The following AFF3 variants were observed in gnomAD, a reference collection of about 807,000 sequenced individuals.
AFF3 encodes AF4/FMR2 family member 3.
AFF3 carries 32 observed loss-of-function variants against 129.7 expected under a neutral mutation model. That is an observed-to-expected ratio of 0.25 (90% CI 0.19 to 0.33). The LOEUF is 0.33. AFF3 is among the 10% of genes least tolerant of loss of function. The probability of loss-of-function intolerance (pLI) is 1.00; values close to 1 mark genes in which losing one functional copy is unlikely to be tolerated. For synonymous variants in AFF3, 644 were observed against 635.4 expected (o/e 1.01, Z -0.20); for missense variants, 1,373 against 1,592.0 (o/e 0.86, Z 2.34).
chr2:100,118,129 C>A (rs548196187), intron 2 of AFF3, among the ~76,000 whole-genome samples: 8 of 152,304 alleles, frequency 5.3e-5, no homozygotes, highest in South Asian at 4.1e-4. Context: ...TGCTGTAATT[C>A]TTTACTCAGT....
intron 10 of AFF3, among the ~76,000 whole-genome samples, chr2:99,736,035 TG>T (rs990607894): frequency 1.3e-5 from 2 of 152,206 alleles, no homozygotes; most frequent in Non-Finnish European, 2.9e-5. Context: ...TAAAATCTGT[TG>T]AAACTTGCTT....
chr2:99,714,138 A>T (rs148655101), intron 11 of AFF3, among the ~76,000 whole-genome samples: 1 of 152,154 alleles, frequency 6.6e-6, no homozygotes, highest in African/African-American at 2.4e-5. Context: ...CCTGTGTTTT[A>T]GTGTTTTATT....
At chr2:99,716,231 G>A (rs1678369569) in intron 11 of AFF3, among the ~76,000 whole-genome samples, 1 of 152,140 alleles carries the variant, frequency 6.6e-6, no homozygotes, top group Admixed American at 6.5e-5. Context: ...CAGTCTAGCA[G>A]GATGTTGACC....
At chr2:99,632,449 C>T (rs558352632) in intron 13 of AFF3, among the ~76,000 whole-genome samples, 2 of 152,228 alleles carry the variant, frequency 1.3e-5, no homozygotes, top group East Asian at 3.9e-4. Flanking sequence ...GGAGGCACCA[C>T]CTGTAATTAT....
At chr2:99,564,498 A>G (rs1357659882) in intron 20 of AFF3, among the ~76,000 whole-genome samples, 1 of 152,216 alleles carries the variant, frequency 6.6e-6, no homozygotes, top group Non-Finnish European at 1.5e-5. Context: ...CTTTATTAAG[A>G]AAAATGGGCA....
In AFF3 at chr2:100,046,101, T is replaced by A. The variant is rs572988411; in HGVS notation, c.54-37169A>T. Among the ~76,000 whole-genome samples the A allele has an allele frequency of 3.3e-5, 5 of 152,286 alleles. No individual in the cohort carries two copies. The South Asian group carries it at 1.0e-3, about 32-fold the overall frequency. On this transcript the variant is annotated intron_variant, in intron 4 of 24. Transcript: ENST00000672756. ...GATCACATGATCTAAGGCAAGTAACTCAACCTTCAAAAGAAAACCTTTCTT... is the reference window on the plus strand; with the variant it reads ...GATCACATGATCTAAGGCAAGTAACACAACCTTCAAAAGAAAACCTTTCTT...
intron 2 of AFF3, among the ~76,000 whole-genome samples, chr2:100,107,784 G>A (rs1691368619): frequency 6.6e-6 from 1 of 152,140 alleles, no homozygotes; most frequent in Non-Finnish European, 1.5e-5. Context: ...CCTAGTGCTG[G>A]AAGCCTCCTA....
chr2:100,110,776 A>G (rs1691486087), intron 2 of AFF3, among the ~76,000 whole-genome samples: 1 of 152,150 alleles, frequency 6.6e-6, no homozygotes. Context: ...TGCCCACCCA[A>G]CATCCATCTG....
intron 12 of AFF3, among the ~76,000 whole-genome samples, chr2:99,660,876 A>C (rs1686172729): frequency 6.6e-6 from 1 of 152,198 alleles, no homozygotes; most frequent in South Asian, 2.1e-4. Context: ...TTGAATGATC[A>C]CACATGATTT....
chr2:99,891,178 CTT>C (rs980715402), intron 7 of AFF3, among the ~76,000 whole-genome samples: 2 of 152,030 alleles, frequency 1.3e-5, no homozygotes, highest in African/African-American at 4.8e-5. Context: ...TTTGGAATAA[CTT>C]CAGCGAGATC....
intron 7 of AFF3, among the ~76,000 whole-genome samples, chr2:99,892,104 G>C (rs1201666876): frequency 6.6e-6 from 1 of 152,034 alleles, no homozygotes; most frequent in East Asian, 1.9e-4. Flanking sequence ...TTACAGGCAT[G>C]AGCCACCACA....
intron 7 of AFF3, among the ~76,000 whole-genome samples, chr2:99,856,282 C>T (rs901618508): frequency 2.0e-5 from 3 of 152,006 alleles, no homozygotes; most frequent in Admixed American, 6.6e-5. Context: ...ATGATTTAAA[C>T]AAGAACCAGA....
At chr2:99,808,431 T>C (rs560246749) in intron 8 of AFF3, among the ~76,000 whole-genome samples, 1 of 152,340 alleles carries the variant, frequency 6.6e-6, no homozygotes, top group African/African-American at 2.4e-5. Flanking sequence ...TGTAGTTCTT[T>C]GGCTACCAGA....
chr2:99,900,566 G>A (rs1694273400), intron 7 of AFF3, among the ~76,000 whole-genome samples: 1 of 152,082 alleles, frequency 6.6e-6, no homozygotes, highest in Non-Finnish European at 1.5e-5. Flanking sequence ...GGGTCCCATT[G>A]GAGGAAAGCC....
intron 11 of AFF3, among the ~76,000 whole-genome samples, chr2:99,715,675 T>C (rs1397912036): frequency 2.7e-5 from 1 of 37,032 alleles, no homozygotes; most frequent in African/African-American, 8.8e-5. Flanking sequence ...ATTTCAAATC[T>C]TTTTTTTTTT....
At position 99,599,357 on chromosome 2, in the gene AFF3, C is replaced by G. The variant is rs545524925; in HGVS notation, c.1371+2078G>C. On this transcript the variant is annotated intron_variant, in intron 14 of 24. Transcript: ENST00000672756. Reference sequence around the variant, plus strand: ...CACTGCAACCTCCGCCTCCAGGGTTCAAGCGATTCTCCTGCCTCAGGCTCC... The same window carrying G: ...CACTGCAACCTCCGCCTCCAGGGTTGAAGCGATTCTCCTGCCTCAGGCTCC... 2.0e-4 allele frequency among the ~76,000 whole-genome samples: 31 copies of G among 152,314 alleles called. No individual in the cohort carries two copies. In the South Asian group the frequency reaches 6.4e-3, roughly 32 times the overall value.
At chr2:100,067,325 G>A (rs184435872) in intron 4 of AFF3, among the ~76,000 whole-genome samples, 38 of 152,246 alleles carry the variant, frequency 2.5e-4, no homozygotes, top group Admixed American at 5.9e-4. Context: ...ATCTACAAGG[G>A]AAAGTGCCTC....
chr2:99,965,503 A>G (rs1320011960), intron 7 of AFF3, among the ~76,000 whole-genome samples: 2 of 152,236 alleles, frequency 1.3e-5, no homozygotes, highest in African/African-American at 2.4e-5. Context: ...TGCATCGGAA[A>G]ACTGAGAACA....
Position 99,595,438 on chromosome 2 carries a change from C to T in AFF3, c.1372-1149G>A, listed in dbSNP as rs139953816. ...GTTTCAGAGGAGACCAGATACCAGGCTAGAGTAAGAAGACACTGCTTAGCT... is the reference window on the plus strand; with the variant it reads ...GTTTCAGAGGAGACCAGATACCAGGTTAGAGTAAGAAGACACTGCTTAGCT... On this transcript the variant is annotated intron_variant, in intron 14 of 24. Transcript: ENST00000672756. Among the ~76,000 whole-genome samples, 101 of 152,190 alleles carry T rather than the reference C, an allele frequency of 6.6e-4. 2 individuals are homozygous for T. Among genetic ancestry groups the T allele is most frequent in the African/African-American group, 2.3e-3 (96 of 41,518 alleles).
Sources: allele counts gnomAD v4.1 joint callset (sites outside exome capture counted in the v4.1 genomes callset), GRCh38; gene constraint gnomAD v4.1.1; transcripts MANE v1.5; gene names NCBI Gene and HGNC (gene_info 2026-07-23, HGNC 2026-07-21).